Variants in BZW2 observed in about 807,000 individuals in gnomAD.
BZW2 encodes the protein eIF5-mimic protein 1.
In BZW2, 23 loss-of-function variants were observed where a neutral mutation model predicts 53.2. The observed-to-expected ratio is 0.43, with a 90% CI of 0.31 to 0.61. The LOEUF (loss-of-function observed/expected upper bound fraction) is 0.61. Among genes scored for constraint, BZW2 ranks in the 20% least tolerant of loss-of-function variants. The pLI is 0.09. For synonymous variants in BZW2, 227 were observed against 186.4 expected (o/e 1.22, Z -1.77); for missense variants, 409 against 503.1 (o/e 0.81, Z 1.79).
intron 10 of BZW2, among the ~76,000 whole-genome samples, chr7:16,702,237 T>G (rs1255014449): frequency 6.6e-6 from 1 of 152,184 alleles, no homozygotes; most frequent in African/African-American, 2.4e-5. Context: ...TTTTCAGACC[T>G]TTCCTTTCAC....
At chr7:16,693,107 G>A (rs532095472) in intron 7 of BZW2, among the ~76,000 whole-genome samples, 2 of 152,148 alleles carry the variant, frequency 1.3e-5, no homozygotes, top group East Asian at 1.9e-4. Context: ...CTGCAGAATG[G>A]TGTGTAATGT....
chr7:16,698,717 T>A (rs1783578961), intron 10 of BZW2, among the ~76,000 whole-genome samples: 1 of 152,210 alleles, frequency 6.6e-6, no homozygotes. Context: ...AGGATTAGGT[T>A]GCTATGACAA....
intron 9 of BZW2, 131 bp from the exon 10 acceptor site, chr7:16,697,917 A>G: frequency 4.5e-6 from 5 of 1,115,124 alleles, no homozygotes. Context: ...GCACAATATG[A>G]TGATAAAAGG....
chr7:16,651,046 A>G (rs888289555), intron 1 of BZW2, among the ~76,000 whole-genome samples: 5 of 152,230 alleles, frequency 3.3e-5, no homozygotes, highest in Non-Finnish European at 7.3e-5. Flanking sequence ...AAAGGAAAAA[A>G]GTATAATGAC....
chr7:16,673,400 A>G (rs529098421), intron 2 of BZW2, among the ~76,000 whole-genome samples: 1 of 152,302 alleles, frequency 6.6e-6, no homozygotes, highest in South Asian at 2.1e-4. Context: ...GGAGTTTTCT[A>G]GAGTTTAAAG....
At chr7:16,679,608 A>G (rs1455433140) in intron 3 of BZW2, among the ~76,000 whole-genome samples, 13 of 152,216 alleles carry the variant, frequency 8.5e-5, no homozygotes, top group Admixed American at 5.9e-4. Context: ...AAAGGTGGCT[A>G]TGGGTGGCCC....
intron 3 of BZW2, among the ~76,000 whole-genome samples, chr7:16,675,744 G>A (rs1027661359): frequency 2.0e-5 from 3 of 152,138 alleles, no homozygotes; most frequent in African/African-American, 4.8e-5. Context: ...CCCATTACCC[G>A]GGAAAAATCA....
chr7:16,655,402 T>C (rs551748021), intron 1 of BZW2, among the ~76,000 whole-genome samples: 2 of 152,310 alleles, frequency 1.3e-5, no homozygotes, highest in South Asian at 4.1e-4. Flanking sequence ...AACTGACATA[T>C]AGTAATTTTT....
chr7:16,661,112 T>C (rs1320998810), intron 1 of BZW2: 1 of 152,122 alleles, frequency 6.6e-6, no homozygotes, highest in African/African-American at 2.4e-5. Flanking sequence ...ATAGCACATG[T>C]TAGTAATATA....
chr7:16,670,913 C>T (rs563544013), intron 2 of BZW2, among the ~76,000 whole-genome samples: 10 of 152,304 alleles, frequency 6.6e-5, no homozygotes, highest in South Asian at 2.1e-4. Context: ...TCTCACGCTG[C>T]GTGACTCTGA....
rs577996061 is a variant in BZW2 at position 16,678,834 on chromosome 7, C to T, written c.236-2467C>T. ...AGCTGGGTCTCGGGGGGTGACATCA[C>T]GTGTCGGCCTGAGCTGCAAAACCAG... On this transcript the variant is annotated intron_variant, in intron 3 of 11. Transcript: ENST00000258761. Among the ~76,000 whole-genome samples, 20 of 151,952 alleles carry T rather than the reference C, an allele frequency of 1.3e-4. No homozygotes were observed. In the South Asian group the frequency reaches 1.7e-3, roughly 13 times the overall value.
intron 5 of BZW2, among the ~76,000 whole-genome samples, chr7:16,683,636 G>A (rs1217475230): frequency 6.6e-6 from 1 of 152,236 alleles, no homozygotes; most frequent in African/African-American, 2.4e-5. Flanking sequence ...GAAATCCACA[G>A]TAGCATCTCC....
chr7:16,666,093 A>T (rs1782416504), intron 2 of BZW2, among the ~76,000 whole-genome samples: 1 of 151,884 alleles, frequency 6.6e-6, no homozygotes. Context: ...TGTGTAAATA[A>T]TATTTTATAT....
rs560509631 is a variant in BZW2, at chr7:16,704,568, C to T, written c.1130C>T (p.Ala377Val). ...FYKADVLSEE[A>V]ILKWYKEAHV... Reference sequence around the variant, plus strand: ...GCAGCTGATGTTCTGAGCGAAGAAGCAATACTGAAATGGTATAAGGAAGCA... The same window carrying T: ...GCAGCTGATGTTCTGAGCGAAGAAGTAATACTGAAATGGTATAAGGAAGCA... Residue 377 changes from alanine to valine, a missense_variant, in exon 11 of 12, where the codon GCA becomes GTA. By Grantham distance (64) the Ala-to-Val change is moderately conservative. Transcript: ENST00000258761. The T allele has an allele frequency of 4.5e-6, 7 of 1,563,776 alleles. No homozygotes were observed. Among genetic ancestry groups the T allele is most frequent in the South Asian group, 2.3e-5 (2 of 86,046 alleles).
intron 3 of BZW2, among the ~76,000 whole-genome samples, chr7:16,675,491 G>A (rs577753297): frequency 2.0e-5 from 3 of 152,286 alleles, no homozygotes; most frequent in Admixed American, 6.5e-5. Context: ...GAAAAAGAAT[G>A]TGCATACATT....
chr7:16,661,153 C>T (rs1001444009), intron 1 of BZW2: 1 of 152,064 alleles, frequency 6.6e-6, no homozygotes, highest in Non-Finnish European at 1.5e-5. Context: ...TATCATAGTT[C>T]AAAGATGAGT....
chr7:16,653,585 A>C (rs946165114), intron 1 of BZW2, among the ~76,000 whole-genome samples: 2 of 152,202 alleles, frequency 1.3e-5, no homozygotes, highest in Non-Finnish European at 2.9e-5. Flanking sequence ...CTCATATAAA[A>C]TCATCTTTCT....
In BZW2 at chr7:16,674,473, G is replaced by A. The variant is rs766370529; in HGVS notation, c.120G>A (p.Glu40=). Residue 40 remains glutamate, a synonymous_variant, in exon 3 of 12, where the codon GAG becomes GAA. Coordinates refer to ENST00000258761, the MANE Select transcript of BZW2 (RefSeq NM_014038.3). ...FRDTLVQGLN[E]AGDDLEAVAK... ...ATACACTTGTCCAGGGGCTTAATGA[G>A]GCTGGTGATGACCTTGAAGCTGTAG... 3 of 1,613,436 alleles carry A rather than the reference G, an allele frequency of 1.9e-6. No homozygotes were observed. Among genetic ancestry groups the A allele is most frequent in the Non-Finnish European group, 2.5e-6 (3 of 1,179,560 alleles).
Position 16,706,182 on chromosome 7 carries a change from C to T in BZW2, c.*94C>T, listed in dbSNP as rs576345327. ...AGAAGAGAAACTTGGCTTCTGTTTTCGCAAAGGAAAAAAAAAATAGGATAG... is the reference window on the plus strand; with the variant it reads ...AGAAGAGAAACTTGGCTTCTGTTTTTGCAAAGGAAAAAAAAAATAGGATAG... On this transcript the variant is annotated 3_prime_UTR_variant, in exon 12 of 12. Transcript: ENST00000258761. 29 of 1,381,204 alleles carry T rather than the reference C, an allele frequency of 2.1e-5. No homozygotes were observed. Among genetic ancestry groups the T allele is most frequent in the East Asian group, 9.4e-5 (4 of 42,486 alleles). The allele number at this position is 1,381,204 out of a possible 1,614,324, so 85.6% of individuals were successfully genotyped here.
Sources: gnomAD v4.1 joint callset for allele counts (sites outside exome capture counted in the v4.1 genomes callset) on GRCh38, gnomAD v4.1.1 for gene constraint, MANE v1.5 for transcripts, NCBI Gene and HGNC (gene_info 2026-07-23, HGNC 2026-07-21) for gene names.